Variants in CAPN12 observed in about 807,000 individuals in gnomAD.
CAPN12 encodes calpain 12.
CAPN12 carries 107 observed loss-of-function variants against 95.0 expected under a neutral mutation model. The observed-to-expected ratio is 1.13, with a 90% CI of 0.96 to 1.32. The LOEUF (loss-of-function observed/expected upper bound fraction) is 1.32. Among genes scored for constraint, CAPN12 ranks in the 40% most tolerant of loss-of-function variants. The pLI, the probability that CAPN12 is intolerant of heterozygous loss-of-function variation, is 0.00. For missense variants in CAPN12, 1,136 were observed against 997.8 expected (o/e 1.14, Z -1.87); for synonymous variants, 505 against 415.5 (o/e 1.22, Z -2.62).
In CAPN12 at chr19:38,733,631, G is replaced by A. The variant is rs115694943; in HGVS notation, c.1957+72C>T. 8.1e-4 allele frequency: 1,099 copies of A among 1,359,328 alleles called. 10 individuals carry two copies. In the African/African-American group the frequency reaches 0.013, roughly 16 times the overall value. The allele number at this position is 1,359,328 out of a possible 1,614,324, so 84.2% of individuals were successfully genotyped here. The stretch of plus-strand genomic sequence containing the variant: ...AGTGCAGACGGCCACAGCTGAGCAG[G>A]GGGACTTGGAGACAATGGGATGGGA... On this transcript the variant is annotated intron_variant, in intron 18 of 20. Coordinates refer to ENST00000328867, the MANE Select transcript of CAPN12 (RefSeq NM_144691.4).
At position 38,737,478 on chromosome 19, in the gene CAPN12, CA is replaced by C; in HGVS notation, c.1125del (p.Asn375LysfsTer13). On this transcript the variant is annotated frameshift_variant, in exon 9 of 21. Transcript: ENST00000328867. LOFTEE classifies it high-confidence loss of function. ...RGFNSGGSQP[N>X]AETFWTNPQF... ...CTCAGGGCCCCTCAGGCCTCACCAG[CA>C]TTAGGCTGGCTCCCGCCGGAGTTGA... 2 of 1,612,770 alleles carry C rather than the reference CA, an allele frequency of 1.2e-6. No individual in the cohort carries two copies. Among genetic ancestry groups the C allele is most frequent in the Non-Finnish European group, 1.7e-6 (2 of 1,179,914 alleles).
In CAPN12 at chr19:38,730,575, C is replaced by G. The variant is rs1011228703; in HGVS notation, c.*277G>C. On this transcript the variant is annotated 3_prime_UTR_variant, in exon 21 of 21. Coordinates refer to ENST00000328867, the MANE Select transcript of CAPN12 (RefSeq NM_144691.4). ...TTTTTATTTCTCCTGTGTCTGTCCT[C>G]CACCTTCTAGGAGAGCCAGGGCAGA... The G allele has an allele frequency of 1.8e-6, 1 of 546,670 alleles. No individual in the cohort carries two copies. Among genetic ancestry groups the G allele is most frequent in the Non-Finnish European group, 3.3e-6 (1 of 306,102 alleles). The allele number at this position is 546,670 out of a possible 1,614,324, so 33.9% of individuals were successfully genotyped here.
In CAPN12 at chr19:38,742,843, C is replaced by G. The variant is rs184694491; in HGVS notation, c.307+190G>C. ...TCCAGAATGGGTGACAGAGTGAGAC[C>G]CCATCTCAAAAAAAAAAAAAAAAAA... On this transcript the variant is annotated intron_variant, in intron 2 of 20. Transcript: ENST00000328867. Among the ~76,000 whole-genome samples, 431 of 82,208 alleles carry G rather than the reference C, an allele frequency of 5.2e-3. 1 individual carries two copies. The highest frequency in any genetic ancestry group is 8.0e-3 in the Non-Finnish European group (310 of 38,842). The allele number at this position is 82,208 out of a possible 152,430, so 53.9% of individuals were successfully genotyped here.
chr19:38,737,763 C>T (rs1337709037), intron 8 of CAPN12, 125 bp from the exon 9 acceptor site: 10 of 1,278,454 alleles, frequency 7.8e-6, no homozygotes, highest in Middle Eastern at 1.9e-4. Context: ...CCTTCAGGCT[C>T]CAGAAATGAA....
intron 16 of CAPN12, 50 bp from the exon 17 acceptor site, chr19:38,734,254 G>A (rs766105010): frequency 6.2e-7 from 1 of 1,608,138 alleles, no homozygotes; most frequent in African/African-American, 1.3e-5. Flanking sequence ...CTCCAGAAGG[G>A]GAGGAGAGAC....
chr19:38,735,464 T>C (rs769602167), intron 13 of CAPN12, 35 bp from the exon 14 acceptor site: 2 of 1,609,652 alleles, frequency 1.2e-6, no homozygotes, highest in South Asian at 1.1e-5. Context: ...CTGGCCAAGA[T>C]CCCCGCCCCA....
chr19:38,736,037 G>GT, intron 12 of CAPN12, 73 bp downstream of exon 12: 3 of 999,946 alleles, frequency 3.0e-6, no homozygotes, highest in Non-Finnish European at 4.0e-6. Flanking sequence ...GGTCTCGGGG[G>GT]TCTCGGGGGT....
In CAPN12 at chr19:38,736,583, G is replaced by GGGGCGTCGGGGCAGGGGAGAGGT. The variant is rs754599490; in HGVS notation, c.1363-43_1363-21dup. ...TGGAATCTGAAAGAAGCAAGAGCAA[G>GGGGCGTCGGGGCAGGGGAGAGGT]GGGCGTCGGGGCAGGGGAGAGGTGG... On this transcript the variant is annotated intron_variant, in intron 10 of 20. Coordinates refer to ENST00000328867, the MANE Select transcript of CAPN12 (RefSeq NM_144691.4). The GGGGCGTCGGGGCAGGGGAGAGGT allele has an allele frequency of 4.2e-5, 67 of 1,603,958 alleles. 1 individual carries two copies. The highest frequency in any genetic ancestry group is 2.7e-4 in the East Asian group (12 of 44,360).
intron 18 of CAPN12, 139 bp downstream of exon 18, chr19:38,733,564 G>A (rs1969791434): frequency 1.4e-6 from 1 of 732,718 alleles, no homozygotes; most frequent in Non-Finnish European, 2.3e-6. Context: ...ACCCCTGCCA[G>A]GGACTGGCAA....
intron 15 of CAPN12, 71 bp from the exon 16 acceptor site, chr19:38,734,460 G>T: frequency 7.4e-7 from 1 of 1,343,588 alleles, no homozygotes; most frequent in Non-Finnish European, 1.0e-6. Flanking sequence ...CTGGGTGGAT[G>T]TGACTCCCTT....
At chr19:38,734,452 G>A (rs185125437) in intron 15 of CAPN12, 63 bp from the exon 16 acceptor site, 118 of 1,410,472 alleles carry the variant, frequency 8.4e-5, no homozygotes, top group East Asian at 3.0e-4. Context: ...TTTAAGGGCT[G>A]GGTGGATGTG....
chr19:38,742,464 C>G lies in CAPN12; in HGVS notation c.372G>C (p.Val124=). 1 of 1,613,958 alleles carries G rather than the reference C, an allele frequency of 6.2e-7. No individual in the cohort carries two copies. Among genetic ancestry groups the G allele is most frequent in the Non-Finnish European group, 8.5e-7 (1 of 1,179,922 alleles). Residue 124 remains valine (V), a synonymous_variant, in exon 3 of 21, where the codon GTG becomes GTC. Transcript: ENST00000328867. ...LTLYPRLLRR[V]VPPGQDFQHG... is the part of the protein sequence containing the mutation. ...GCTGGAAATCCTGTCCAGGAGGGAC[C>G]ACCCGGCGCAGGAGCCGGGGATACA...
intron 17 of CAPN12, 93 bp downstream of exon 17, chr19:38,734,049 G>T (rs1445821405): frequency 1.4e-6 from 2 of 1,404,600 alleles, no homozygotes; most frequent in Admixed American, 3.9e-5. Context: ...GTACCCCCTC[G>T]TTCCCTGGGG....
intron 10 of CAPN12, 28 bp from the exon 11 acceptor site, chr19:38,736,591 G>A (rs761824353): frequency 4.4e-5 from 71 of 1,601,682 alleles, no homozygotes; most frequent in Non-Finnish European, 5.5e-5. Context: ...AAGGGGCGTC[G>A]GGGCAGGGGA....
In CAPN12 at chr19:38,737,263, C is replaced by G. The variant is rs199673993; in HGVS notation, c.1255G>C (p.Gly419Arg). The G allele has an allele frequency of 1.2e-5, 19 of 1,549,470 alleles. No individual in the cohort carries two copies. The highest frequency in any genetic ancestry group is 5.5e-5 in the African/African-American group (4 of 72,844). ...AAGARGPARG[G>R]RTPKCTVLLS... is the part of the protein sequence containing the mutation. ...AGGACCGTGCACTTGGGCGTGCGGC[C>G]CCCCCGCGCTGGGCCCCGTGCCCCT... Residue 419 changes from glycine to arginine, a missense_variant, in exon 10 of 21, where the codon GGC becomes CGC. Physicochemically the swap from Gly to Arg is moderately radical, Grantham distance 125. Transcript: ENST00000328867.
intron 8 of CAPN12, 63 bp from the exon 9 acceptor site, chr19:38,737,701 A>C (rs1416585304): frequency 6.8e-7 from 1 of 1,460,796 alleles, no homozygotes; most frequent in Non-Finnish European, 9.1e-7. Context: ...AGATCCCGGA[A>C]ATGACTCCCA....
chr19:38,731,105 A>G lies in CAPN12; in HGVS notation c.2074+2T>C, dbSNP rs754119613. 6.2e-7 allele frequency: 1 copy of G among 1,609,532 alleles called. No individual in the cohort carries two copies. Among genetic ancestry groups the G allele is most frequent in the African/African-American group, 1.3e-5 (1 of 74,710 alleles). On this transcript the variant is annotated splice_donor_variant, in intron 19 of 20. Coordinates refer to ENST00000328867, the MANE Select transcript of CAPN12 (RefSeq NM_144691.4). LOFTEE classifies it high-confidence loss of function. ...GCCCCACCATGCCGGGGTGGTACTC[A>G]CAGAAGATGCAGGTGAGGTGGGCCA...
Position 38,740,135 on chromosome 19 carries a change from G to A in CAPN12, c.645C>T (p.Leu215=). ...GCCCCATGCTGTTTTGTCTCAGATA[G>A]AGCACCTCGCCCACGCCGCCTGTGA... ...VDFTGGVGEV[L]YLRQNSMGLF... Residue 215 remains leucine (L), a synonymous_variant, in exon 5 of 21, where the codon CTC becomes CTT. Transcript: ENST00000328867. 1 of 1,613,744 alleles carries A rather than the reference G, an allele frequency of 6.2e-7. No individual in the cohort carries two copies. Among genetic ancestry groups the A allele is most frequent in the Non-Finnish European group, 8.5e-7 (1 of 1,179,858 alleles).
intron 12 of CAPN12, 42 bp from the exon 13 acceptor site, chr19:38,735,586 C>A (rs557262598): frequency 6.3e-7 from 1 of 1,597,202 alleles, no homozygotes; most frequent in Non-Finnish European, 8.5e-7. Flanking sequence ...GCTGTTTGCC[C>A]CAGCTGGGGC....
Sources: gnomAD v4.1 joint callset for allele counts (sites outside exome capture counted in the v4.1 genomes callset) on GRCh38, gnomAD v4.1.1 for gene constraint, MANE v1.5 for transcripts, NCBI Gene and HGNC (gene_info 2026-07-23, HGNC 2026-07-21) for gene names.